TRPC5: variants seen among roughly 807,000 people sequenced by gnomAD.
The protein encoded by TRPC5 is transient receptor potential cation channel subfamily C member 5.
A neutral mutation model predicts 56.5 loss-of-function variants in TRPC5; 9 were observed. The observed-to-expected ratio is 0.16, with a 90% CI of 0.10 to 0.28. The LOEUF is 0.28. Ranked by LOEUF, TRPC5 falls within the 10% of genes least tolerant of loss-of-function variation. TRPC5 has a pLI of 1.00. For missense variants in TRPC5, 469 were observed against 748.9 expected, an observed-to-expected ratio of 0.63 and a Z score of 4.36; for synonymous variants, 282 against 278.5, an observed-to-expected ratio of 1.01 and a Z score of -0.13.
intron 2 of TRPC5, among the ~76,000 whole-genome samples, chrX:111,950,962 A>G (rs1343056890): frequency 8.9e-6 from 1 of 112,149 alleles, no homozygotes; most frequent in Non-Finnish European, 1.9e-5. Flanking sequence ...TAGACAGCAG[A>G]AGGGAAGCTG....
chrX:111,941,611 T>A (rs1228811798), intron 2 of TRPC5, among the ~76,000 whole-genome samples: 1 of 112,009 alleles, frequency 8.9e-6, no homozygotes, highest in African/African-American at 3.2e-5. Context: ...CTGCATAGGC[T>A]TGGGTGTCAA....
At chrX:111,794,965 A>G (rs1946048547) in intron 7 of TRPC5, among the ~76,000 whole-genome samples, 2 of 111,658 alleles carry the variant, frequency 1.8e-5, no homozygotes, top group Admixed American at 1.9e-4. Context: ...TATTGCTAGT[A>G]TATATTGAGA....
chrX:111,993,623 G>A (rs780909336), intron 1 of TRPC5, among the ~76,000 whole-genome samples: 5 of 112,176 alleles, frequency 4.5e-5, no homozygotes, highest in Non-Finnish European at 9.4e-5. Flanking sequence ...ATCTCATTGC[G>A]GTTTTGATTT....
intron 7 of TRPC5, among the ~76,000 whole-genome samples, chrX:111,830,346 T>C (rs1163226106): frequency 8.9e-6 from 1 of 112,037 alleles, no homozygotes; most frequent in Non-Finnish European, 1.9e-5. Context: ...ACTTTGGACT[T>C]AGACTTTTGG....
intron 2 of TRPC5, among the ~76,000 whole-genome samples, chrX:111,940,728 C>A (rs192209865): frequency 0.014 from 1,525 of 107,712 alleles, 16 homozygotes; most frequent in Middle Eastern, 0.062. Flanking sequence ...TACGTTTTGT[C>A]TGTCATGAGG....
chrX:112,048,011 C>G (rs185441295), intron 1 of TRPC5, among the ~76,000 whole-genome samples: 1 of 112,061 alleles, frequency 8.9e-6, no homozygotes, highest in Non-Finnish European at 1.9e-5. Context: ...CTCTAGCACC[C>G]AGTATTATGT....
In TRPC5 at chrX:112,005,463, T is replaced by TAAAAAAAAAAAAAAAAAA. The variant is rs745973541; in HGVS notation, c.-21-53040_-21-53023dup. ...GTACCCCTGAAACTGAACCTAAAAGTAAAAAAAAAAAAAAAAAAATATCTT... is the reference window on the plus strand; with the variant it reads ...GTACCCCTGAAACTGAACCTAAAAGTAAAAAAAAAAAAAAAAAAAAAAAAAAAAAAAAAAAAATATCTT... On this transcript the variant is annotated intron_variant, in intron 1 of 10. Transcript: ENST00000262839. Among the ~76,000 whole-genome samples the TAAAAAAAAAAAAAAAAAA allele has an allele frequency of 5.7e-4, 38 of 66,357 alleles. 2 individuals are homozygous for TAAAAAAAAAAAAAAAAAA. The highest frequency in any genetic ancestry group is 1.8e-3 in the African/African-American group (30 of 16,861). The allele number at this position is 66,357 out of a possible 115,157, so 57.6% of individuals were successfully genotyped here.
chrX:111,805,322 T>G (rs1921465918), intron 7 of TRPC5, among the ~76,000 whole-genome samples: 1 of 111,703 alleles, frequency 9.0e-6, no homozygotes, highest in Non-Finnish European at 1.9e-5. Context: ...CTTTTTTTGT[T>G]GTGTCTTTGC....
At chrX:111,890,768 G>A (rs1402451411) in intron 3 of TRPC5, among the ~76,000 whole-genome samples, 1 of 111,540 alleles carries the variant, frequency 9.0e-6, no homozygotes, top group Non-Finnish European at 1.9e-5. Context: ...TTGTTACATA[G>A]GTAAACCCAT....
chrX:111,776,616 C>T lies in TRPC5; in HGVS notation c.2619G>A (p.Gln873=). 8.3e-7 allele frequency: 1 copy of T among 1,211,952 alleles called. No individual in the cohort carries two copies. The highest frequency in any genetic ancestry group is 1.1e-6 in the Non-Finnish European group (1 of 895,598). The change falls in exon 11 of 11, where the codon CAG becomes CAA. Residue 873 remains glutamine, a synonymous_variant. Transcript: ENST00000262839. ...PMYTISDGIV[Q]QHCMWQDIRY... is the part of the protein sequence containing the mutation. ...TGATGTCCTGCCACATACAGTGCTG[C>T]TGAACAATTCCATCAGAAATTGTGT...
intron 1 of TRPC5, among the ~76,000 whole-genome samples, chrX:111,972,023 G>A (rs769118163): frequency 1.8e-5 from 2 of 111,328 alleles, no homozygotes; most frequent in East Asian, 5.7e-4. Flanking sequence ...GATACCCATC[G>A]CATCTACCTT....
chrX:112,067,763 C>T (rs1349070973), intron 1 of TRPC5, among the ~76,000 whole-genome samples: 2 of 112,040 alleles, frequency 1.8e-5, no homozygotes, highest in African/African-American at 6.5e-5. Flanking sequence ...AGAGAGGAAG[C>T]ATGGCAGGTG....
At chrX:111,993,915 C>T (rs1928439935) in intron 1 of TRPC5, among the ~76,000 whole-genome samples, 1 of 111,926 alleles carries the variant, frequency 8.9e-6, no homozygotes, top group African/African-American at 3.2e-5. Context: ...AATTAGATCT[C>T]ATTTGTCTAT....
chrX:111,807,700 G>A (rs1433275590), intron 7 of TRPC5, among the ~76,000 whole-genome samples: 1 of 112,143 alleles, frequency 8.9e-6, no homozygotes, highest in Admixed American at 9.5e-5. Context: ...GGTTGTTTGT[G>A]CATGTCTTCT....
At chrX:111,981,680 C>G (rs1285023246) in intron 1 of TRPC5, among the ~76,000 whole-genome samples, 1 of 111,812 alleles carries the variant, frequency 8.9e-6, no homozygotes, top group Non-Finnish European at 1.9e-5. Flanking sequence ...TCACTAACCC[C>G]TTTTCTAGAA....
intron 7 of TRPC5, among the ~76,000 whole-genome samples, chrX:111,785,568 C>T (rs891271984): frequency 2.7e-5 from 3 of 111,889 alleles, no homozygotes; most frequent in Non-Finnish European, 3.8e-5. Context: ...ATCACTTTCA[C>T]GAGTTCACAG....
chrX:111,968,720 C>G (rs1192520040), intron 1 of TRPC5, among the ~76,000 whole-genome samples: 1 of 103,691 alleles, frequency 9.6e-6, no homozygotes, highest in East Asian at 3.1e-4. Context: ...CAAACTATCG[C>G]AAGGACAAAA....
intron 1 of TRPC5, among the ~76,000 whole-genome samples, chrX:112,048,399 C>CAAA (rs58537492): frequency 0.011 from 231 of 21,470 alleles, 40 homozygotes; most frequent in African/African-American, 0.034. Flanking sequence ...GACTCCGTAT[C>CAAA]AAAAAAAAAA....
chrX:111,896,324 T>C (rs1925059119), intron 3 of TRPC5: 1 of 110,719 alleles, frequency 9.0e-6, no homozygotes, highest in South Asian at 3.9e-4. Flanking sequence ...ATCTCGTCCT[T>C]GCTTATCCTT....
Sources: gnomAD v4.1 joint callset for allele counts (sites outside exome capture counted in the v4.1 genomes callset) on GRCh38, gnomAD v4.1.1 for gene constraint, MANE v1.5 for transcripts, NCBI Gene and HGNC (gene_info 2026-07-23, HGNC 2026-07-21) for gene names.